Variants in GRIK4 observed in about 807,000 individuals in gnomAD.
GRIK4 encodes the protein glutamate ionotropic receptor kainate type subunit 4, also known as glutamate receptor ionotropic, kainate 4.
Under a neutral mutation model 104.9 loss-of-function variants are expected in GRIK4, and 40 were observed. That is an observed-to-expected ratio of 0.38 (90% CI 0.30 to 0.50). The LOEUF (loss-of-function observed/expected upper bound fraction) is 0.50, where lower values mean the gene tolerates loss of function less well. Ranked by LOEUF, GRIK4 falls within the 20% of genes least tolerant of loss-of-function variation. The pLI, the probability that GRIK4 is intolerant of heterozygous loss-of-function variation, is 0.93. For synonymous variants in GRIK4, 485 were observed against 524.9 expected (o/e 0.92, Z 1.04); for missense variants, 1,047 against 1,308.1 (o/e 0.80, Z 3.08).
chr11:120,926,918 G>C (rs530131192), intron 13 of GRIK4, among the ~76,000 whole-genome samples: 1 of 152,208 alleles, frequency 6.6e-6, no homozygotes. Flanking sequence ...AGAGTGTCTC[G>C]AGGAGAGGGG....
At chr11:120,624,870 T>C (rs1383633914) in intron 1 of GRIK4, among the ~76,000 whole-genome samples, 3 of 152,168 alleles carry the variant, frequency 2.0e-5, no homozygotes, top group Admixed American at 2.0e-4. Flanking sequence ...TATTTGATTA[T>C]CTTGGGGGGA....
intron 11 of GRIK4, among the ~76,000 whole-genome samples, chr11:120,889,588 C>CTTTTTTTTTTTTTTTTTTTTT (rs776440015): frequency 8.9e-5 from 6 of 67,146 alleles, no homozygotes; most frequent in African/African-American, 2.1e-4. Flanking sequence ...AAAGAGCTTA[C>CTTTTTTTTTTTTTTTTTTTTT]ATTTTTTTTT....
intron 1 of GRIK4, among the ~76,000 whole-genome samples, chr11:120,632,423 C>G (rs1473414563): frequency 2.0e-5 from 3 of 152,088 alleles, no homozygotes; most frequent in Non-Finnish European, 4.4e-5. Flanking sequence ...TGGGGTTCTG[C>G]TTCCATGCTC....
chr11:120,767,472 G>A (rs907884812), intron 3 of GRIK4, among the ~76,000 whole-genome samples: 1 of 152,012 alleles, frequency 6.6e-6, no homozygotes, highest in African/African-American at 2.4e-5. Context: ...TATGTGGTTT[G>A]CACATATTTT....
intron 13 of GRIK4, among the ~76,000 whole-genome samples, chr11:120,927,905 T>C (rs1943388216): frequency 6.6e-6 from 1 of 151,960 alleles, no homozygotes; most frequent in African/African-American, 2.4e-5. Context: ...AAGAGGTCCA[T>C]GGCATAAAAA....
chr11:120,637,189 G>A (rs188534610), intron 1 of GRIK4, among the ~76,000 whole-genome samples: 8 of 152,148 alleles, frequency 5.3e-5, no homozygotes, highest in African/African-American at 1.9e-4. Flanking sequence ...GACGCCAGGT[G>A]GGGGTGGGGA....
intron 1 of GRIK4, among the ~76,000 whole-genome samples, chr11:120,588,298 G>T (rs1948693575): frequency 6.6e-6 from 1 of 152,130 alleles, no homozygotes. Flanking sequence ...TCTTGAAGTG[G>T]GAGTTTTAGG....
At chr11:120,837,752 T>G (rs1252746102) in intron 8 of GRIK4, among the ~76,000 whole-genome samples, 1 of 152,012 alleles carries the variant, frequency 6.6e-6, no homozygotes, top group Non-Finnish European at 1.5e-5. Context: ...AGAAAAGGAT[T>G]AGACTACTCC....
At chr11:120,781,838 T>G (rs1952163553) in intron 3 of GRIK4, among the ~76,000 whole-genome samples, 1 of 152,134 alleles carries the variant, frequency 6.6e-6, no homozygotes, top group Non-Finnish European at 1.5e-5. Context: ...TAAGACAGAT[T>G]CTCACCATGG....
chr11:120,880,354 A>C (rs922176392), intron 11 of GRIK4, among the ~76,000 whole-genome samples: 3 of 152,194 alleles, frequency 2.0e-5, no homozygotes, highest in African/African-American at 7.2e-5. Context: ...AAAATTTTTC[A>C]TCATTTCGTC....
intron 9 of GRIK4, chr11:120,871,794 AAGAGAGGGAGGG>A (rs1347162987): frequency 1.1e-5 from 5 of 456,394 alleles, no homozygotes; most frequent in Non-Finnish European, 1.8e-5. Context: ...AAGCAGCAGC[AAGAGAGGGAGGG>A]AGAGAGAGAG....
intron 1 of GRIK4, among the ~76,000 whole-genome samples, chr11:120,614,489 C>T (rs996644728): frequency 6.6e-6 from 1 of 152,094 alleles, no homozygotes; most frequent in Non-Finnish European, 1.5e-5. Context: ...TCTGGAGGCC[C>T]CCGGATCAGC....
intron 3 of GRIK4, among the ~76,000 whole-genome samples, chr11:120,743,837 TG>T (rs1234082532): frequency 6.6e-6 from 1 of 152,240 alleles, no homozygotes; most frequent in Non-Finnish European, 1.5e-5. Context: ...ATTTATAAAA[TG>T]GGAGCAATAG....
At chr11:120,578,541 G>T (rs1398709113) in intron 1 of GRIK4, among the ~76,000 whole-genome samples, 1 of 152,164 alleles carries the variant, frequency 6.6e-6, no homozygotes, top group Non-Finnish European at 1.5e-5. Flanking sequence ...GAACATACAG[G>T]GCATCCAGTA....
chr11:120,704,982 C>T (rs1013264711), intron 3 of GRIK4, among the ~76,000 whole-genome samples: 1 of 152,232 alleles, frequency 6.6e-6, no homozygotes, highest in Non-Finnish European at 1.5e-5. Context: ...TCTTAGCACT[C>T]TTGCCAAAGA....
At chr11:120,889,244 C>A (rs1358444640) in intron 11 of GRIK4, among the ~76,000 whole-genome samples, 2 of 152,184 alleles carry the variant, frequency 1.3e-5, no homozygotes, top group African/African-American at 4.8e-5. Context: ...AAGGTGTTCA[C>A]CACGGAGGCT....
intron 8 of GRIK4, among the ~76,000 whole-genome samples, chr11:120,855,744 G>A (rs1226315752): frequency 6.6e-6 from 1 of 152,174 alleles, no homozygotes; most frequent in East Asian, 1.9e-4. Flanking sequence ...TGTATTTTTA[G>A]TAGAGATGGG....
chr11:120,595,852 A>G (rs1348623477), intron 1 of GRIK4, among the ~76,000 whole-genome samples: 1 of 151,886 alleles, frequency 6.6e-6, no homozygotes, highest in East Asian at 1.9e-4. Flanking sequence ...TGTATTTATT[A>G]TTTCTATTTT....
intron 3 of GRIK4, among the ~76,000 whole-genome samples, chr11:120,720,422 C>T (rs908009957): frequency 5.3e-5 from 8 of 152,180 alleles, no homozygotes; most frequent in African/African-American, 1.9e-4. Context: ...GGCTGACTCC[C>T]TTGCAGTCCA....
Sources: allele counts gnomAD v4.1 joint callset (sites outside exome capture counted in the v4.1 genomes callset), GRCh38; gene constraint gnomAD v4.1.1; transcripts MANE v1.5; gene names NCBI Gene and HGNC (gene_info 2026-07-23, HGNC 2026-07-21).